Variants in AFG2A observed in about 807,000 individuals in gnomAD.
AFG2A encodes the protein AAA ATPase AFG2A.
the AFG2A span, among the ~76,000 whole-genome samples, chr4:123,158,703 T>C: frequency 6.6e-6 from 1 of 151,918 alleles, no homozygotes; most frequent in Admixed American, 6.6e-5. Context: ...GCACAATAAA[T>C]CTCCCCTAAA....
chr4:122,936,151 T>G, the AFG2A span: 3 of 1,598,886 alleles, frequency 1.9e-6, no homozygotes, highest in South Asian at 2.3e-5. Context: ...CTGAAGCCAC[T>G]CTACGGTACT....
At chr4:123,123,173 ATGGT>A in the AFG2A span, among the ~76,000 whole-genome samples, 1 of 152,200 alleles carries the variant, frequency 6.6e-6, no homozygotes, top group Non-Finnish European at 1.5e-5. Context: ...GCATAAAACA[ATGGT>A]TGGAGATCCA....
At chr4:123,313,832 A>C in the AFG2A span, 2 of 1,449,216 alleles carry the variant, frequency 1.4e-6, no homozygotes, top group Non-Finnish European at 1.8e-6. Context: ...TATGTTTCTA[A>C]AAGAGTACTG....
the AFG2A span, among the ~76,000 whole-genome samples, chr4:123,238,347 G>A: frequency 0.014 from 2,138 of 152,314 alleles, 59 homozygotes; most frequent in African/African-American, 0.048. Flanking sequence ...CGGCATTTGA[G>A]CTCTGAGAAC....
chr4:123,051,254 G>C, the AFG2A span, among the ~76,000 whole-genome samples: 1 of 150,560 alleles, frequency 6.6e-6, no homozygotes, highest in African/African-American at 2.4e-5. Flanking sequence ...TTTATTTTTA[G>C]TGTATATATT....
At chr4:123,273,115 G>A in the AFG2A span, among the ~76,000 whole-genome samples, 1 of 152,080 alleles carries the variant, frequency 6.6e-6, no homozygotes, top group Non-Finnish European at 1.5e-5. Context: ...TTAGGTAGAG[G>A]GCTAGAAAGG....
the AFG2A span, among the ~76,000 whole-genome samples, chr4:123,166,271 A>G: frequency 6.6e-6 from 1 of 152,200 alleles, no homozygotes; most frequent in South Asian, 2.1e-4. Context: ...CAGGATATAA[A>G]GCAGGAAGAA....
the AFG2A span, among the ~76,000 whole-genome samples, chr4:123,029,472 A>G: frequency 2.0e-5 from 3 of 152,220 alleles, no homozygotes; most frequent in Non-Finnish European, 2.9e-5. Flanking sequence ...TAAGATTTTT[A>G]TAGAATGATA....
the AFG2A span, among the ~76,000 whole-genome samples, chr4:122,953,332 C>A: frequency 2.1e-4 from 32 of 152,314 alleles, no homozygotes; most frequent in Admixed American, 5.2e-4. Context: ...TCAGACAGTT[C>A]AACCTTTCTG....
At chr4:123,040,346 T>G in the AFG2A span, among the ~76,000 whole-genome samples, 1 of 152,204 alleles carries the variant, frequency 6.6e-6, no homozygotes, top group African/African-American at 2.4e-5. Flanking sequence ...TATATGAGAT[T>G]AATCTACATC....
At chr4:122,934,364 A>G in the AFG2A span, 2 of 1,614,216 alleles carry the variant, frequency 1.2e-6, no homozygotes, top group Non-Finnish European at 1.7e-6. Context: ...CCAATTGATG[A>G]CAGAATTACA....
chr4:123,232,807 T>C, the AFG2A span, among the ~76,000 whole-genome samples: 1 of 152,032 alleles, frequency 6.6e-6, no homozygotes, highest in Non-Finnish European at 1.5e-5. Flanking sequence ...AGATTGCTCT[T>C]AGATAAGAAG....
At chr4:123,089,361 T>G in the AFG2A span, among the ~76,000 whole-genome samples, 4 of 152,238 alleles carry the variant, frequency 2.6e-5, no homozygotes, top group African/African-American at 4.8e-5. Flanking sequence ...TCCTTCTACT[T>G]TACGTCCTCT....
At chr4:123,057,242 A>G in the AFG2A span, 10 of 1,613,948 alleles carry the variant, frequency 6.2e-6, no homozygotes, top group South Asian at 2.2e-5. Flanking sequence ...GGCGCCTTCC[A>G]TTATTTTCTT....
chr4:123,153,281 T>C, the AFG2A span, among the ~76,000 whole-genome samples: 1 of 152,210 alleles, frequency 6.6e-6, no homozygotes, highest in Non-Finnish European at 1.5e-5. Flanking sequence ...AGGCAGAACA[T>C]TTCAAGCCTT....
the AFG2A span, among the ~76,000 whole-genome samples, chr4:122,932,381 T>G: frequency 2.6e-5 from 4 of 152,056 alleles, no homozygotes; most frequent in Non-Finnish European, 5.9e-5. Flanking sequence ...TTTGTAGAGA[T>G]GAATTTTTGC....
At chr4:123,122,253 C>T in the AFG2A span, among the ~76,000 whole-genome samples, 1 of 152,170 alleles carries the variant, frequency 6.6e-6, no homozygotes, top group Admixed American at 6.5e-5. Context: ...AGATACTCCT[C>T]AACTTACAAT....
At chr4:123,248,442 C>T in the AFG2A span, among the ~76,000 whole-genome samples, 1 of 152,156 alleles carries the variant, frequency 6.6e-6, no homozygotes, top group South Asian at 2.1e-4. Flanking sequence ...CTTTAAAAGA[C>T]AGCAGCTAAA....
At chr4:123,176,312 A>G in the AFG2A span, among the ~76,000 whole-genome samples, 2 of 152,120 alleles carry the variant, frequency 1.3e-5, no homozygotes, top group African/African-American at 2.4e-5. Flanking sequence ...TTCATGTTCA[A>G]CAGAATACCA....
Sources: allele counts gnomAD v4.1 joint callset (sites outside exome capture counted in the v4.1 genomes callset), GRCh38; gene constraint gnomAD v4.1.1; transcripts MANE v1.5; gene names NCBI Gene and HGNC (gene_info 2026-07-23, HGNC 2026-07-21).